The following TMPRSS2 variants were observed in gnomAD, a reference collection of about 807,000 sequenced individuals.
TMPRSS2 encodes transmembrane protease serine 2.
Under a neutral mutation model 67.4 loss-of-function variants are expected in TMPRSS2, and 59 were observed. The observed-to-expected ratio is 0.88, with a 90% CI of 0.71 to 1.09. TMPRSS2 has a LOEUF of 1.09. Among genes scored for constraint, TMPRSS2 ranks in the 50% least tolerant of loss-of-function variants. The pLI is 0.00. For synonymous variants in TMPRSS2, 257 were observed against 257.0 expected (o/e 1.00, Z 0.00); for missense variants, 668 against 642.7 (o/e 1.04, Z -0.43).
chr21:41,492,315 T>G (rs1178683157), intron 3 of TMPRSS2, among the ~76,000 whole-genome samples: 1 of 152,256 alleles, frequency 6.6e-6, no homozygotes, highest in Non-Finnish European at 1.5e-5. Context: ...CACGTTTAGC[T>G]GCTTGTTTCA....
intron 1 of TMPRSS2, among the ~76,000 whole-genome samples, chr21:41,499,344 G>T (rs1298909667): frequency 6.6e-6 from 1 of 152,202 alleles, no homozygotes; most frequent in Non-Finnish European, 1.5e-5. Flanking sequence ...CATGGACAAA[G>T]ATTCTTCGCT....
At position 41,466,122 on chromosome 21, in the gene TMPRSS2, A is replaced by G. The variant is rs1380306836; in HGVS notation, c.*20T>C. On this transcript the variant is annotated 3_prime_UTR_variant, in exon 14 of 14. Coordinates refer to ENST00000332149, the MANE Select transcript of TMPRSS2 (RefSeq NM_005656.4). ...CATTGTTTTCTTGTAAAACGACGTCAAGGACGAAGACCATGTGGATTAGCC... is the reference window on the plus strand; with the variant it reads ...CATTGTTTTCTTGTAAAACGACGTCGAGGACGAAGACCATGTGGATTAGCC... 1 of 1,613,972 alleles carries G rather than the reference A, an allele frequency of 6.2e-7. No homozygotes were observed. Among genetic ancestry groups the G allele is most frequent in the Non-Finnish European group, 8.5e-7 (1 of 1,179,956 alleles).
At position 41,470,665 on chromosome 21, in the gene TMPRSS2, C is replaced by T; in HGVS notation, c.1154G>A (p.Gly385Glu). The T allele has an allele frequency of 6.2e-7, 1 of 1,613,526 alleles. No homozygotes were observed. Among genetic ancestry groups the T allele is most frequent in the South Asian group, 1.1e-5 (1 of 91,076 alleles). ...AGCCTCACCTTTCTCCTCGGTGGCCCCCCACCCGGAAATCCAGCAGAGCTG... is the reference window on the plus strand; with the variant it reads ...AGCCTCACCTTTCTCCTCGGTGGCCTCCCACCCGGAAATCCAGCAGAGCTG... ...PEQLCWISGW[G>E]ATEEKGKTSE... The change falls in exon 11 of 14, where the codon GGG becomes GAG. Residue 385 changes from glycine (G) to glutamate (E), a missense_variant. By Grantham distance (98) the Gly-to-Glu change is moderately conservative. Transcript: ENST00000332149.
intron 1 of TMPRSS2, among the ~76,000 whole-genome samples, chr21:41,498,610 C>T (rs531410451): frequency 6.6e-6 from 1 of 152,196 alleles, no homozygotes; most frequent in Admixed American, 6.5e-5. Flanking sequence ...TGGACTTAAC[C>T]CAGTTCTCAC....
chr21:41,494,752 A>C, intron 2 of TMPRSS2, 174 bp from the exon 3 acceptor site: 1 of 750,326 alleles, frequency 1.3e-6, no homozygotes, highest in African/African-American at 1.8e-5. Context: ...GTTAGAGATT[A>C]ATAAGAAAGT....
At chr21:41,501,495 G>A (rs968723444) in intron 1 of TMPRSS2, among the ~76,000 whole-genome samples, 1 of 151,604 alleles carries the variant, frequency 6.6e-6, no homozygotes, top group African/African-American at 2.4e-5. Context: ...TGTAATCCCA[G>A]CTACTTGGGA....
chr21:41,489,632 T>G lies in TMPRSS2; in HGVS notation c.239-39A>C, dbSNP rs544679414. ...GAGAGTGCAACGTTCAGACCAGAGT[T>G]GTTTAGAAGTCATGCTCTCAAATGT... On this transcript the variant is annotated intron_variant, in intron 3 of 13. Coordinates refer to ENST00000332149, the MANE Select transcript of TMPRSS2 (RefSeq NM_005656.4). 21 of 1,428,198 alleles carry G rather than the reference T, an allele frequency of 1.5e-5. No individual in the cohort carries two copies. The South Asian group carries it at 2.0e-4, about 14-fold the overall frequency. The allele number at this position is 1,428,198 out of a possible 1,614,324, so 88.5% of individuals were successfully genotyped here. A position where few individuals can be genotyped will look rare whatever the true frequency, so the allele number is the denominator to read the frequency against.
chr21:41,500,426 C>A (rs993721006), intron 1 of TMPRSS2, among the ~76,000 whole-genome samples: 2 of 152,220 alleles, frequency 1.3e-5, no homozygotes, highest in Non-Finnish European at 2.9e-5. Flanking sequence ...AAGCCCACCA[C>A]GGAGCCAAGT....
chr21:41,504,459 A>C (rs2091444199), intron 1 of TMPRSS2, among the ~76,000 whole-genome samples: 1 of 152,208 alleles, frequency 6.6e-6, no homozygotes. Context: ...CCCCTGCCAG[A>C]AAACCAGCCT....
Position 41,470,671 on chromosome 21 carries a change from C to A in TMPRSS2, c.1148G>T (p.Gly383Val). 2.5e-6 allele frequency: 4 copies of A among 1,613,570 alleles called. No individual in the cohort carries two copies. The highest frequency in any genetic ancestry group is 3.4e-6 in the Non-Finnish European group (4 of 1,179,970). ...LQPEQLCWISGWGATEEKGKT... is the reference protein window; with the variant it reads ...LQPEQLCWISVWGATEEKGKT... ...ACCTTTCTCCTCGGTGGCCCCCCAC[C>A]CGGAAATCCAGCAGAGCTGTTCTGG... Residue 383 changes from glycine (G) to valine (V), a missense_variant, in exon 11 of 14, where the codon GGG (glycine) becomes GTG (valine). Coordinates refer to ENST00000332149, the MANE Select transcript of TMPRSS2 (RefSeq NM_005656.4).
chr21:41,466,899 A>G (rs1349632368), intron 13 of TMPRSS2, among the ~76,000 whole-genome samples: 6 of 152,180 alleles, frequency 3.9e-5, no homozygotes, highest in Non-Finnish European at 7.4e-5. Flanking sequence ...GCCCAAAGCC[A>G]GGGCTCTGCT....
In TMPRSS2 at chr21:41,466,114, A is replaced by C. The variant is rs1193605693; in HGVS notation, c.*28T>G. On this transcript the variant is annotated 3_prime_UTR_variant, in exon 14 of 14. Coordinates refer to ENST00000332149, the MANE Select transcript of TMPRSS2 (RefSeq NM_005656.4). ...ACCAGCCCCATTGTTTTCTTGTAAAACGACGTCAAGGACGAAGACCATGTG... is the reference window on the plus strand; with the variant it reads ...ACCAGCCCCATTGTTTTCTTGTAAACCGACGTCAAGGACGAAGACCATGTG... The C allele has an allele frequency of 6.2e-7, 1 of 1,613,670 alleles. No homozygotes were observed. Among genetic ancestry groups the C allele is most frequent in the Non-Finnish European group, 8.5e-7 (1 of 1,179,896 alleles).
At chr21:41,481,902 A>T (rs995359934) in intron 5 of TMPRSS2, among the ~76,000 whole-genome samples, 21 of 152,174 alleles carry the variant, frequency 1.4e-4, no homozygotes, top group African/African-American at 4.8e-4. Flanking sequence ...TCTCTACTAA[A>T]ATGCAAAAAT....
intron 3 of TMPRSS2, among the ~76,000 whole-genome samples, chr21:41,490,007 G>A (rs2091323980): frequency 6.6e-6 from 1 of 152,018 alleles, no homozygotes. Flanking sequence ...AATTAGCTGG[G>A]CGTGGTGGCA....
At chr21:41,469,547 A>G (rs566918037) in intron 11 of TMPRSS2, among the ~76,000 whole-genome samples, 1 of 152,208 alleles carries the variant, frequency 6.6e-6, no homozygotes, top group Non-Finnish European at 1.5e-5. Flanking sequence ...CCACACCTGA[A>G]GATACATGCA....
chr21:41,497,192 G>T (rs1027443179), intron 2 of TMPRSS2, among the ~76,000 whole-genome samples: 6 of 152,100 alleles, frequency 3.9e-5, no homozygotes, highest in African/African-American at 1.4e-4. Context: ...TGTACTCAAT[G>T]GACAGGTGTT....
intron 3 of TMPRSS2, among the ~76,000 whole-genome samples, chr21:41,493,620 C>T (rs748563141): frequency 2.0e-5 from 3 of 152,274 alleles, no homozygotes; most frequent in Non-Finnish European, 4.4e-5. Context: ...GGCGTAGCCA[C>T]TGCTGTGCGG....
In TMPRSS2 at chr21:41,498,140, G is replaced by A. The variant is rs1201213753; in HGVS notation, c.-7C>T. On this transcript the variant is annotated 5_prime_UTR_variant, in exon 2 of 14. Transcript: ENST00000332149. The stretch of plus-strand genomic sequence containing the variant: ...TTACTGAGTTCAAAGCCATCTTGCT[G>A]TTATCAACAGCATCGAGTAATGATA... 4 of 1,612,842 alleles carry A rather than the reference G, an allele frequency of 2.5e-6. No homozygotes were observed. Among genetic ancestry groups the A allele is most frequent in the Non-Finnish European group, 3.4e-6 (4 of 1,179,154 alleles).
chr21:41,499,354 T>G (rs1395607821), intron 1 of TMPRSS2, among the ~76,000 whole-genome samples: 2 of 152,232 alleles, frequency 1.3e-5, no homozygotes, highest in Admixed American at 1.3e-4. Flanking sequence ...GATTCTTCGC[T>G]TGATCAAACT....
Sources: gnomAD v4.1 joint callset for allele counts (sites outside exome capture counted in the v4.1 genomes callset) on GRCh38, gnomAD v4.1.1 for gene constraint, MANE v1.5 for transcripts, NCBI Gene and HGNC (gene_info 2026-07-23, HGNC 2026-07-21) for gene names.